GPC6: variants seen among roughly 807,000 people sequenced by gnomAD.
The protein encoded by GPC6 is glypican-6.
GPC6 carries 14 observed loss-of-function variants against 55.2 expected under a neutral mutation model. The ratio of observed to expected loss-of-function variants is 0.25; its 90% CI spans 0.17 to 0.40. GPC6 has a LOEUF of 0.40. GPC6 is among the 10% of genes least tolerant of loss of function. GPC6 has a pLI of 1.00. For missense variants in GPC6, 641 were observed against 708.5 expected, an observed-to-expected ratio of 0.90 and a Z score of 1.08; for synonymous variants, 278 against 259.6, an observed-to-expected ratio of 1.07 and a Z score of -0.68.
chr13:93,693,028 GA>G (rs71659984), intron 2 of GPC6, among the ~76,000 whole-genome samples: 3 of 151,412 alleles, frequency 2.0e-5, no homozygotes, highest in Non-Finnish European at 2.9e-5. Flanking sequence ...AAGTAGATTT[GA>G]AAAAAAATAA....
intron 6 of GPC6, among the ~76,000 whole-genome samples, chr13:94,363,299 T>TTGA (rs1257765630): frequency 6.6e-6 from 1 of 152,182 alleles, no homozygotes; most frequent in East Asian, 1.9e-4. Flanking sequence ...AGGCAAAATT[T>TTGA]TGATGGCTGT....
intron 1 of GPC6, among the ~76,000 whole-genome samples, chr13:93,405,653 T>TC (rs1265622848): frequency 6.6e-6 from 1 of 152,056 alleles, no homozygotes; most frequent in Admixed American, 6.6e-5. Context: ...ATCCTTTTTT[T>TC]TTTCTTCAAG....
chr13:93,929,036 C>T (rs907236219), intron 3 of GPC6, among the ~76,000 whole-genome samples: 1 of 152,194 alleles, frequency 6.6e-6, no homozygotes, highest in Admixed American at 6.5e-5. Context: ...GGAGAAAACA[C>T]TGTGTTCTGT....
At chr13:94,327,271 G>A (rs1052372368) in intron 6 of GPC6, among the ~76,000 whole-genome samples, 2 of 152,144 alleles carry the variant, frequency 1.3e-5, no homozygotes, top group Non-Finnish European at 2.9e-5. Context: ...TCAGCAAACT[G>A]CATGGCGGAC....
intron 5 of GPC6, among the ~76,000 whole-genome samples, chr13:94,286,790 T>C (rs1353403563): frequency 6.6e-6 from 1 of 152,196 alleles, no homozygotes; most frequent in Non-Finnish European, 1.5e-5. Flanking sequence ...GAATTTTCTT[T>C]TTAATGTTTG....
chr13:93,609,179 C>T (rs1878360504), intron 2 of GPC6, among the ~76,000 whole-genome samples: 1 of 152,078 alleles, frequency 6.6e-6, no homozygotes, highest in Non-Finnish European at 1.5e-5. Flanking sequence ...AATCTCTTTG[C>T]CACCTACATT....
At chr13:93,962,031 GC>G (rs1241095991) in intron 3 of GPC6, among the ~76,000 whole-genome samples, 1 of 152,098 alleles carries the variant, frequency 6.6e-6, no homozygotes, top group Non-Finnish European at 1.5e-5. Flanking sequence ...CCTCACAACA[GC>G]CCATTCAGGT....
chr13:93,359,838 C>CT, intron 1 of GPC6, among the ~76,000 whole-genome samples: 1 of 152,106 alleles, frequency 6.6e-6, no homozygotes, highest in Non-Finnish European at 1.5e-5. Context: ...ATAATCTGAA[C>CT]ATTTTTTTTA....
chr13:94,125,971 A>C (rs1886793282), intron 4 of GPC6, among the ~76,000 whole-genome samples: 1 of 152,194 alleles, frequency 6.6e-6, no homozygotes. Context: ...ATATATCTCC[A>C]TGTAAATGAA....
chr13:94,324,984 C>A (rs748377346), intron 6 of GPC6, among the ~76,000 whole-genome samples: 3 of 152,102 alleles, frequency 2.0e-5, no homozygotes, highest in Non-Finnish European at 2.9e-5. Flanking sequence ...AGGGGCCTAA[C>A]GTTAGAATCC....
chr13:93,915,956 G>C (rs76993610), intron 3 of GPC6, among the ~76,000 whole-genome samples: 5 of 152,168 alleles, frequency 3.3e-5, no homozygotes, highest in Non-Finnish European at 7.3e-5. Context: ...GGTGAGCCAT[G>C]ACATGGGTGA....
chr13:93,510,532 G>T (rs1187749440), intron 1 of GPC6, among the ~76,000 whole-genome samples: 1 of 152,002 alleles, frequency 6.6e-6, no homozygotes, highest in Admixed American at 6.6e-5. Flanking sequence ...ATTCCATTGT[G>T]TATATATACC....
chr13:94,396,661 C>G (rs1880910213), intron 7 of GPC6, among the ~76,000 whole-genome samples: 1 of 152,192 alleles, frequency 6.6e-6, no homozygotes, highest in Non-Finnish European at 1.5e-5. Flanking sequence ...GGAAATTGCA[C>G]TATGCAAGGA....
At chr13:93,848,078 G>C (rs1475554619) in intron 3 of GPC6, among the ~76,000 whole-genome samples, 1 of 152,076 alleles carries the variant, frequency 6.6e-6, no homozygotes, top group East Asian at 1.9e-4. Flanking sequence ...TTTAATGTCA[G>C]CATCCCATAA....
At chr13:93,591,154 C>CAA (rs759879838) in intron 2 of GPC6, among the ~76,000 whole-genome samples, 1,301 of 67,060 alleles carry the variant, frequency 0.019, 42 homozygotes, top group African/African-American at 0.044. Flanking sequence ...TCTAATAAAG[C>CAA]AAAAGAAAAA....
In GPC6 at chr13:94,302,588, A is replaced by C. The variant is rs1279800616; in HGVS notation, c.1009-3392A>C. Among the ~76,000 whole-genome samples, 4 of 152,146 alleles carry C rather than the reference A, an allele frequency of 2.6e-5. No homozygotes were observed. In the South Asian group the frequency reaches 6.2e-4, roughly 24 times the overall value. ...TGTTAAGGTATATTCTCAGTATAAG[A>C]CTAATACAAAAGTTTTTTTATCATT... On this transcript the variant is annotated intron_variant, in intron 5 of 8. Coordinates refer to ENST00000377047, the MANE Select transcript of GPC6 (RefSeq NM_005708.5).
intron 4 of GPC6, among the ~76,000 whole-genome samples, chr13:94,100,283 G>T (rs1279895224): frequency 3.3e-5 from 5 of 152,214 alleles, no homozygotes; most frequent in African/African-American, 1.2e-4. Context: ...GGGAAATGGG[G>T]TAGCAAAGGA....
At chr13:93,915,805 GC>G (rs1877257569) in intron 3 of GPC6, among the ~76,000 whole-genome samples, 1 of 152,046 alleles carries the variant, frequency 6.6e-6, no homozygotes, top group African/African-American at 2.4e-5. Context: ...TTTTCTCTTG[GC>G]TGCCCCCCAG....
chr13:94,027,847 G>A lies in GPC6; in HGVS notation c.830G>A (p.Cys277Tyr). 6.2e-7 allele frequency: 1 copy of A among 1,614,092 alleles called. No homozygotes were observed. Reference protein sequence around the residue: ...NNYCLNVMKGCLANQADLDTE... With the variant: ...NNYCLNVMKGYLANQADLDTE... ...TACTGTCTCAACGTCATGAAGGGCT[G>A]CTTGGCAAATCAGGCTGACCTCGAC... Residue 277 changes from cysteine to tyrosine, a missense_variant, in exon 4 of 9, where the codon TGC (cysteine) becomes TAC (tyrosine). Cys to Tyr is a radical substitution (Grantham distance 194). Coordinates refer to ENST00000377047, the MANE Select transcript of GPC6 (RefSeq NM_005708.5).
Sources: allele counts gnomAD v4.1 joint callset (sites outside exome capture counted in the v4.1 genomes callset), GRCh38; gene constraint gnomAD v4.1.1; transcripts MANE v1.5; gene names NCBI Gene and HGNC (gene_info 2026-07-23, HGNC 2026-07-21).